The following INCENP variants were observed in gnomAD, a reference collection of about 807,000 sequenced individuals.
INCENP encodes inner centromere protein.
INCENP carries 43 observed loss-of-function variants against 107.3 expected under a neutral mutation model. The ratio of observed to expected loss-of-function variants is 0.40; its 90% CI spans 0.31 to 0.52. INCENP has a LOEUF of 0.52. Among genes scored for constraint, INCENP ranks in the 20% least tolerant of loss-of-function variants. The pLI is 0.53. For missense variants in INCENP, 1,089 were observed against 1,250.9 expected, an observed-to-expected ratio of 0.87 and a Z score of 1.95; for synonymous variants, 488 against 494.4, an observed-to-expected ratio of 0.99 and a Z score of 0.17.
At chr11:62,145,569 C>A in intron 13 of INCENP, 60 bp from the exon 14 acceptor site, 1 of 1,540,968 alleles carries the variant, frequency 6.5e-7, no homozygotes, top group Non-Finnish European at 8.8e-7. Flanking sequence ...CAGTTCTGGG[C>A]TCCACTCTGC....
intron 2 of INCENP, 46 bp from the exon 3 acceptor site, chr11:62,128,724 G>C (rs777713946): frequency 1.5e-6 from 2 of 1,358,618 alleles, no homozygotes; most frequent in Non-Finnish European, 2.1e-6. Context: ...GAGGGGACCA[G>C]TGGTTCCCAG....
In INCENP at chr11:62,140,895, C is replaced by T. The variant is rs1944103835; in HGVS notation, c.1462-18C>T. ...CCTGCCCCGCCTGCCCACTTCTGAC[C>T]CTGGTCCTCGTCTGCAGGTGGTACG... On this transcript the variant is annotated intron_variant, in intron 9 of 18. Transcript: ENST00000394818. The T allele has an allele frequency of 6.2e-7, 1 of 1,613,916 alleles. No individual in the cohort carries two copies.
At chr11:62,131,119 C>T (rs1161977454) in intron 4 of INCENP, among the ~76,000 whole-genome samples, 2 of 152,150 alleles carry the variant, frequency 1.3e-5, no homozygotes, top group Non-Finnish European at 2.9e-5. Context: ...CAGGCTCCTT[C>T]GGGGAGATCA....
intron 7 of INCENP, among the ~76,000 whole-genome samples, chr11:62,139,386 C>T (rs375733770): frequency 6.6e-6 from 1 of 152,188 alleles, no homozygotes. Context: ...CCGCCAGCTC[C>T]TTTCTGACCT....
In INCENP at chr11:62,146,836, G is replaced by T. The variant is rs745473433; in HGVS notation, c.2138G>T (p.Arg713Leu). The T allele has an allele frequency of 2.6e-6, 4 of 1,550,816 alleles. No individual in the cohort carries two copies. The highest frequency in any genetic ancestry group is 3.5e-6 in the Non-Finnish European group (4 of 1,147,530). The change falls in exon 15 of 19, where the codon CGC becomes CTC. Residue 713 changes from arginine to leucine, a missense_variant. Transcript: ENST00000394818. ...REQERREQER[R>L]EQERQLAEQE... ...CAGGAGCGGCGGGAGCAGGAGCGGC[G>T]CGAGCAGGAGCGACAGCTGGCAGAG...
chr11:62,143,387 G>A (rs113390317), intron 11 of INCENP, among the ~76,000 whole-genome samples: 24 of 152,166 alleles, frequency 1.6e-4, no homozygotes, highest in Non-Finnish European at 2.2e-4. Context: ...CTTTCTGTCC[G>A]TGCCCCAGTG....
rs988518574 is a variant in INCENP at position 62,144,806 on chromosome 11, T to C, written c.1606-176T>C. 4 of 768,088 alleles carry C rather than the reference T, an allele frequency of 5.2e-6. No homozygotes were observed. The African/African-American group carries it at 6.8e-5, about 13-fold the overall frequency. The allele number at this position is 768,088 out of a possible 1,614,324, so 47.6% of individuals were successfully genotyped here. A position where few individuals can be genotyped will look rare whatever the true frequency, so the allele number is the denominator to read the frequency against. On this transcript the variant is annotated intron_variant, in intron 11 of 18. Coordinates refer to ENST00000394818, the MANE Select transcript of INCENP (RefSeq NM_001040694.2). The stretch of plus-strand genomic sequence containing the variant: ...TGCTCCTGGGAGGAAAGGCGGGAGC[T>C]GCGGGCCTTGGCTTGGGTGCTGTTG...
Position 62,150,045 on chromosome 11 carries a change from T to C in INCENP, c.2392-12T>C. On this transcript the variant is annotated splice_polypyrimidine_tract_variant and intron_variant, in intron 17 of 18. Coordinates refer to ENST00000394818, the MANE Select transcript of INCENP (RefSeq NM_001040694.2). ...CCATGGAGGGAACTGACGGCCACGT[T>C]TGTTTTTGCAGTCTCCAGCTTGTAC... 2 of 1,612,918 alleles carry C rather than the reference T, an allele frequency of 1.2e-6. No individual in the cohort carries two copies. Among genetic ancestry groups the C allele is most frequent in the Non-Finnish European group, 1.7e-6 (2 of 1,179,380 alleles).
At chr11:62,140,858 C>A (rs774524216) in intron 9 of INCENP, 37 bp downstream of exon 9, 1 of 1,613,744 alleles carries the variant, frequency 6.2e-7, no homozygotes, top group South Asian at 1.1e-5. Context: ...GAGCCCTGAC[C>A]CCCTTCAGTA....
At position 62,146,730 on chromosome 11, in the gene INCENP, G is replaced by C; in HGVS notation, c.2032G>C (p.Ala678Pro). The C allele has an allele frequency of 6.5e-7, 1 of 1,549,996 alleles. No individual in the cohort carries two copies. The highest frequency in any genetic ancestry group is 8.7e-7 in the Non-Finnish European group (1 of 1,146,720). The stretch of plus-strand genomic sequence containing the variant: ...AGAGGAGCAGGAGCGGCTGCGGAAG[G>C]CGGCCGAGGCTAAGCGGCTGGCAGA... The part of the protein sequence containing the change: ...KEEEQERLRK[A>P]AEAKRLAEQR... Residue 678 changes from alanine to proline, a missense_variant, in exon 15 of 19, where the codon GCG (alanine) becomes CCG (proline). Coordinates refer to ENST00000394818, the MANE Select transcript of INCENP (RefSeq NM_001040694.2).
chr11:62,140,428 C>A, intron 8 of INCENP, 143 bp downstream of exon 8: 1 of 793,728 alleles, frequency 1.3e-6, no homozygotes, highest in Non-Finnish European at 2.1e-6. Flanking sequence ...GTGACTTAAC[C>A]AAGGAGGCAG....
In INCENP at chr11:62,144,999, C is replaced by T. The variant is rs1351708846; in HGVS notation, c.1623C>T (p.Arg541=). 1 of 1,603,760 alleles carries T rather than the reference C, an allele frequency of 6.2e-7. No homozygotes were observed. Among genetic ancestry groups the T allele is most frequent in the Admixed American group, 1.8e-5 (1 of 56,504 alleles). ...CACCCCAGGAGAAGGAGCGGCAGCG[C>T]CTGGAGAATCTGCGGCGGAAGGAGG... ...KCSFVEKERQ[R]LENLRRKEEA... The change falls in exon 12 of 19, where the codon CGC becomes CGT. Residue 541 remains arginine (R), a synonymous_variant. Coordinates refer to ENST00000394818, the MANE Select transcript of INCENP (RefSeq NM_001040694.2).
At chr11:62,151,705 G>C in intron 18 of INCENP, 57 bp from the exon 19 acceptor site, 1 of 1,456,748 alleles carries the variant, frequency 6.9e-7, no homozygotes, top group African/African-American at 1.4e-5. Context: ...GGTGGGCAAG[G>C]GATGGGGAGG....
intron 14 of INCENP, 130 bp downstream of exon 14, chr11:62,145,881 G>A: frequency 8.1e-7 from 1 of 1,229,282 alleles, no homozygotes. Flanking sequence ...ATGCTAAGAA[G>A]GAGGTTTCCC....
intron 10 of INCENP, 60 bp downstream of exon 10, chr11:62,141,104 A>G: frequency 1.3e-6 from 2 of 1,564,998 alleles, no homozygotes; most frequent in Middle Eastern, 1.7e-4. Flanking sequence ...CTGAAGGTCC[A>G]GTCTGTCCTG....
intron 4 of INCENP, 104 bp from the exon 5 acceptor site, chr11:62,137,728 G>A (rs1388332499): frequency 2.1e-6 from 2 of 943,002 alleles, no homozygotes; most frequent in East Asian, 2.4e-5. Context: ...CTAGTGATGG[G>A]AGCAGTGGCC....
chr11:62,149,351 G>A (rs1293790561), intron 17 of INCENP, among the ~76,000 whole-genome samples: 1 of 152,074 alleles, frequency 6.6e-6, no homozygotes, highest in African/African-American at 2.4e-5. Flanking sequence ...TAATTGTGCT[G>A]GAATTCAGCC....
intron 4 of INCENP, 133 bp from the exon 5 acceptor site, chr11:62,137,699 C>T: frequency 1.3e-6 from 1 of 775,364 alleles, no homozygotes; most frequent in Non-Finnish European, 2.3e-6. Flanking sequence ...GGGTCCTGGG[C>T]ATGGTGGGGG....
intron 7 of INCENP, 134 bp from the exon 8 acceptor site, chr11:62,140,100 C>A: frequency 1.4e-6 from 1 of 740,524 alleles, no homozygotes; most frequent in Non-Finnish European, 2.4e-6. Flanking sequence ...CGTTTGGCCA[C>A]CCCGGAGCTG....
Sources: gnomAD v4.1 joint callset for allele counts (sites outside exome capture counted in the v4.1 genomes callset) on GRCh38, gnomAD v4.1.1 for gene constraint, MANE v1.5 for transcripts, NCBI Gene and HGNC (gene_info 2026-07-23, HGNC 2026-07-21) for gene names.